The following CCDC171 variants were observed in gnomAD, a reference collection of about 807,000 sequenced individuals.
CCDC171 encodes the protein coiled-coil domain-containing protein 171.
A neutral mutation model predicts 168.2 loss-of-function variants in CCDC171; 177 were observed. The ratio of observed to expected loss-of-function variants is 1.05; its 90% CI spans 0.93 to 1.19. The LOEUF (loss-of-function observed/expected upper bound fraction) is 1.19. Ranked by LOEUF, CCDC171 falls within the 50% of genes most tolerant of loss-of-function variation. The probability of loss-of-function intolerance (pLI) is 0.00; values close to 1 mark genes in which losing one functional copy is unlikely to be tolerated. For missense variants in CCDC171, 1,991 were observed against 1,539.0 expected, an observed-to-expected ratio of 1.29 and a Z score of -4.91; for synonymous variants, 687 against 540.8, an observed-to-expected ratio of 1.27 and a Z score of -3.75.
chr9:15,745,533 T>C lies in CCDC171; in HGVS notation c.2573T>C (p.Leu858Ser). Residue 858 changes from leucine to serine, a missense_variant, in exon 18 of 26, where the codon TTG becomes TCG. By Grantham distance (145) the Leu-to-Ser change is moderately radical. Coordinates refer to ENST00000380701, the MANE Select transcript of CCDC171 (RefSeq NM_173550.4). ...TTTATAGAACATCAAAAGGAGCAGT[T>C]GCGTTGTTTACAAGCGCTCAGTTGG... The part of the protein sequence containing the change: ...HKFPKHQKEQ[L>S]RCLQALSWLT... The C allele has an allele frequency of 6.3e-7, 1 of 1,578,342 alleles. No homozygotes were observed. The highest frequency in any genetic ancestry group is 1.4e-5 in the African/African-American group (1 of 72,708).
At chr9:15,603,623 A>G (rs1301202720) in intron 6 of CCDC171, among the ~76,000 whole-genome samples, 1 of 152,188 alleles carries the variant, frequency 6.6e-6, no homozygotes, top group Non-Finnish European at 1.5e-5. Context: ...TGGTGTATAT[A>G]TACCACATTT....
At chr9:15,959,889 C>A (rs1467789083) in intron 25 of CCDC171, among the ~76,000 whole-genome samples, 1 of 152,138 alleles carries the variant, frequency 6.6e-6, no homozygotes, top group Non-Finnish European at 1.5e-5. Context: ...GGGTTTCAGT[C>A]AGAGTTGTCA....
the CCDC171 span, among the ~76,000 whole-genome samples, chr9:16,079,003 G>A: frequency 6.6e-6 from 1 of 152,188 alleles, no homozygotes; most frequent in South Asian, 2.1e-4. Flanking sequence ...CAGGAAAATA[G>A]ACCAAGGAGG....
chr9:15,939,120 C>T (rs1288372476), intron 25 of CCDC171, among the ~76,000 whole-genome samples: 1 of 150,614 alleles, frequency 6.6e-6, no homozygotes, highest in Non-Finnish European at 1.5e-5. Flanking sequence ...GAAAATGGCC[C>T]AAGAAGGAGT....
rs1830311884 is a variant in CCDC171, at chr9:15,961,364, A to G, written c.3754-10245A>G. ...CCTAATAGTTCCCAGAGAGAGTGTG[A>G]CATGTGTACATTTTGACCACAGAAG... On this transcript the variant is annotated intron_variant, in intron 25 of 25. Transcript: ENST00000380701. Among the ~76,000 whole-genome samples the G allele has an allele frequency of 2.6e-5, 4 of 152,334 alleles. 1 individual carries two copies. The highest frequency in any genetic ancestry group is 2.0e-4 in the Admixed American group (3 of 15,294).
At chr9:15,651,862 G>A (rs1384712850) in intron 7 of CCDC171, among the ~76,000 whole-genome samples, 5 of 152,028 alleles carry the variant, frequency 3.3e-5, no homozygotes, top group Admixed American at 6.6e-5. Context: ...ATTTATGCTT[G>A]TGCTTTTGCT....
intron 24 of CCDC171, among the ~76,000 whole-genome samples, chr9:15,882,163 T>G (rs1485395982): frequency 6.6e-6 from 1 of 152,180 alleles, no homozygotes; most frequent in African/African-American, 2.4e-5. Context: ...CTCATTGTGG[T>G]TTTGATTTGC....
chr9:16,071,041 A>T, the CCDC171 span, among the ~76,000 whole-genome samples: 33 of 152,310 alleles, frequency 2.2e-4, no homozygotes, highest in African/African-American at 7.9e-4. Flanking sequence ...TTTCCTTTTC[A>T]ACTGAGGTTG....
intron 21 of CCDC171, among the ~76,000 whole-genome samples, chr9:15,841,014 T>C (rs2060656408): frequency 6.6e-6 from 1 of 152,076 alleles, no homozygotes; most frequent in African/African-American, 2.4e-5. Flanking sequence ...TGACACCATT[T>C]AGGAAGACAT....
At chr9:16,107,242 T>C in the CCDC171 span, among the ~76,000 whole-genome samples, 1 of 152,112 alleles carries the variant, frequency 6.6e-6, no homozygotes, top group South Asian at 2.1e-4. Context: ...CTTAAATTCC[T>C]GGGCTCAAGC....
chr9:16,004,289 T>C (rs1455258897), intron 3 of CCDC171, among the ~76,000 whole-genome samples: 1 of 152,134 alleles, frequency 6.6e-6, no homozygotes, highest in Non-Finnish European at 1.5e-5. Flanking sequence ...TTTTAACTAG[T>C]GTGTCAGGCC....
chr9:15,647,268 A>T (rs199795728), intron 7 of CCDC171, among the ~76,000 whole-genome samples: 5 of 152,118 alleles, frequency 3.3e-5, no homozygotes, highest in South Asian at 4.2e-4. Flanking sequence ...AGAGGGAAAT[A>T]TATAGCACTA....
At chr9:15,849,204 C>T (rs17341112) in intron 23 of CCDC171, among the ~76,000 whole-genome samples, 437 of 151,506 alleles carry the variant, frequency 2.9e-3, no homozygotes, top group Non-Finnish European at 5.1e-3. Flanking sequence ...GAATTATTTG[C>T]GGTCTTTGCT....
intron 25 of CCDC171, among the ~76,000 whole-genome samples, chr9:15,949,619 T>C (rs1382527717): frequency 1.3e-5 from 2 of 152,214 alleles, no homozygotes; most frequent in Non-Finnish European, 2.9e-5. Flanking sequence ...CTGTTATTGG[T>C]GTATAAGAAT....
At chr9:15,962,430 A>G (rs1240248857) in intron 25 of CCDC171, among the ~76,000 whole-genome samples, 2 of 152,238 alleles carry the variant, frequency 1.3e-5, no homozygotes, top group African/African-American at 4.8e-5. Flanking sequence ...ATCAAATGGC[A>G]TTAAGCATTT....
At chr9:15,914,580 G>A (rs931604975) in intron 24 of CCDC171, among the ~76,000 whole-genome samples, 6 of 152,132 alleles carry the variant, frequency 3.9e-5, no homozygotes, top group African/African-American at 7.2e-5. Context: ...TAGCTTGCTG[G>A]GTTCCATGGG....
At chr9:15,891,897 AG>A (rs1036020375) in intron 24 of CCDC171, among the ~76,000 whole-genome samples, 1 of 152,142 alleles carries the variant, frequency 6.6e-6, no homozygotes, top group Non-Finnish European at 1.5e-5. Flanking sequence ...GGAATCACTG[AG>A]TACCAGCATG....
chr9:15,883,714 G>A (rs181568830), intron 24 of CCDC171, among the ~76,000 whole-genome samples: 2 of 152,318 alleles, frequency 1.3e-5, no homozygotes, highest in Admixed American at 6.5e-5. Flanking sequence ...TCAGCTTAAT[G>A]TATGTATGAA....
At chr9:15,598,837 A>G (rs922372262) in intron 6 of CCDC171, among the ~76,000 whole-genome samples, 5 of 152,200 alleles carry the variant, frequency 3.3e-5, no homozygotes, top group African/African-American at 1.2e-4. Context: ...GTGCTCCTGT[A>G]TTGGGTGCAT....
Sources: gnomAD v4.1 joint callset for allele counts (sites outside exome capture counted in the v4.1 genomes callset) on GRCh38, gnomAD v4.1.1 for gene constraint, MANE v1.5 for transcripts, NCBI Gene and HGNC (gene_info 2026-07-23, HGNC 2026-07-21) for gene names.